NOTCH4: variants seen among roughly 807,000 people sequenced by gnomAD.
NOTCH4 encodes the protein notch receptor 4.
Under a neutral mutation model 189.0 loss-of-function variants are expected in NOTCH4, and 138 were observed. The observed-to-expected ratio is 0.73, with a 90% CI of 0.64 to 0.84. The LOEUF (loss-of-function observed/expected upper bound fraction) is 0.84, where lower values mean the gene tolerates loss of function less well. Ranked by LOEUF, NOTCH4 falls within the 40% of genes least tolerant of loss-of-function variation. The probability of loss-of-function intolerance (pLI) is 0.00; values close to 1 mark genes in which losing one functional copy is unlikely to be tolerated. For synonymous variants in NOTCH4, 942 were observed against 1,032.8 expected (o/e 0.91, Z 1.69); for missense variants, 2,286 against 2,605.4 (o/e 0.88, Z 2.67).
Position 32,220,668 on chromosome 6 carries a change from G to A in NOTCH4, c.923-27C>T. On this transcript the variant is annotated intron_variant, in intron 5 of 29. Transcript: ENST00000375023. The stretch of plus-strand genomic sequence containing the variant: ...TGCAGGGGGTTGGGGAGGGGACGAG[G>A]GCTAAGGCTGGGAGCCCTATGAGTA... 5 of 1,612,642 alleles carry A rather than the reference G, an allele frequency of 3.1e-6. No homozygotes were observed. The South Asian group carries it at 5.5e-5, about 18-fold the overall frequency.
Position 32,223,085 on chromosome 6 carries a change from C to T in NOTCH4, c.75G>A (p.Gly25=), listed in dbSNP as rs1044583290. The change falls in exon 2 of 30, where the codon GGG becomes GGA. Residue 25 remains glycine (G), a splice_region_variant and synonymous_variant. Coordinates refer to ENST00000375023, the MANE Select transcript of NOTCH4 (RefSeq NM_004557.4). ...LLCVSVVRPR[G]LLCGSFPEPC... ...GTTCTGGGAAACTCCCACACAGCAG[C>T]CCTGAGGGTGGAGAGGCAGGCGCAA... is the stretch of plus-strand genomic sequence containing the variant. The T allele has an allele frequency of 1.9e-6, 3 of 1,613,704 alleles. No individual in the cohort carries two copies. Among genetic ancestry groups the T allele is most frequent in the African/African-American group, 1.3e-5 (1 of 75,012 alleles).
rs921938659 is a variant in NOTCH4 at position 32,213,323 on chromosome 6, A to G, written c.2321-71T>C. On this transcript the variant is annotated intron_variant, in intron 14 of 29. Coordinates refer to ENST00000375023, the MANE Select transcript of NOTCH4 (RefSeq NM_004557.4). ...TGGCCTGTGACCTCAGTCACACTGT[A>G]CATAGGACATACACCCCCCACCCCC... 8 of 963,170 alleles carry G rather than the reference A, an allele frequency of 8.3e-6. No individual in the cohort carries two copies. The African/African-American group carries it at 1.3e-4, about 16-fold the overall frequency. The allele number at this position is 963,170 out of a possible 1,614,324, so 59.7% of individuals were successfully genotyped here.
intron 20 of NOTCH4, 159 bp downstream of exon 20, chr6:32,203,610 AC>A: frequency 1.7e-6 from 1 of 593,578 alleles, no homozygotes; most frequent in Non-Finnish European, 2.9e-6. Flanking sequence ...CTTGCCTTTG[AC>A]TGCTTCTGAG....
chr6:32,209,283 T>C (rs1454065432), intron 18 of NOTCH4, among the ~76,000 whole-genome samples: 4 of 152,138 alleles, frequency 2.6e-5, no homozygotes, highest in Non-Finnish European at 1.5e-5. Context: ...TCCTCACTCA[T>C]ATGTGGGAGC....
Position 32,212,455 on chromosome 6 carries a change from C to T in NOTCH4, c.2680+19G>A. On this transcript the variant is annotated intron_variant, in intron 17 of 29. Transcript: ENST00000375023. The surrounding 1 kb of genome is among the most constrained non-coding windows in gnomAD (Gnocchi z 4.4). ...ATATTTTCTTCATTTGCTCTCCAGT[C>T]AGTGCCGGCGTTGGTTACCTTGGCT... 1 of 1,587,596 alleles carries T rather than the reference C, an allele frequency of 6.3e-7. No homozygotes were observed. Among genetic ancestry groups the T allele is most frequent in the Non-Finnish European group, 8.6e-7 (1 of 1,167,128 alleles).
In NOTCH4 at chr6:32,221,421, C is replaced by T; in HGVS notation, c.452-96G>A. The T allele has an allele frequency of 1.2e-6, 1 of 845,788 alleles. No homozygotes were observed. The highest frequency in any genetic ancestry group is 1.8e-6 in the Non-Finnish European group (1 of 541,178). 52.4% of individuals were successfully genotyped at this position (845,788 alleles called of 1,614,324 possible). ...CTCACTCTGGATTATCTCTGGGTCT[C>T]ATTTTCATATTTCCTTCCCTTTATT... On this transcript the variant is annotated intron_variant, in intron 3 of 29. Coordinates refer to ENST00000375023, the MANE Select transcript of NOTCH4 (RefSeq NM_004557.4). The surrounding 1 kb of genome is among the most constrained non-coding windows in gnomAD (Gnocchi z 4.3).
Position 32,221,374 on chromosome 6 carries a change from G to T in NOTCH4, c.452-49C>A. 7.0e-7 allele frequency: 1 copy of T among 1,438,530 alleles called. No individual in the cohort carries two copies. Among genetic ancestry groups the T allele is most frequent in the Non-Finnish European group, 9.6e-7 (1 of 1,039,380 alleles). The allele number at this position is 1,438,530 out of a possible 1,614,324, so 89.1% of individuals were successfully genotyped here. ...CGTTTCTAGCATTGTACGAATTCTA[G>T]CCCATCTGAGGTTACCCAGTGCTCA... On this transcript the variant is annotated intron_variant, in intron 3 of 29. Coordinates refer to ENST00000375023, the MANE Select transcript of NOTCH4 (RefSeq NM_004557.4). This position sits in a 1 kb window ranked among gnomAD's most constrained non-coding sequence, Gnocchi z 4.3.
Position 32,222,820 on chromosome 6 carries a change from G to A in NOTCH4, c.156-14C>T, listed in dbSNP as rs769373975. On this transcript the variant is annotated splice_polypyrimidine_tract_variant and intron_variant, in intron 2 of 29. Coordinates refer to ENST00000375023, the MANE Select transcript of NOTCH4 (RefSeq NM_004557.4). ...CCAGGGGCACACCTGGGCAGGGGAG[G>A]AGAGGAAAACTCACATCACTGGTCC... 1 of 1,607,076 alleles carries A rather than the reference G, an allele frequency of 6.2e-7. No homozygotes were observed. Among genetic ancestry groups the A allele is most frequent in the Non-Finnish European group, 8.5e-7 (1 of 1,177,864 alleles).
At chr6:32,216,869 C>A in intron 11 of NOTCH4, 76 bp downstream of exon 11, 1 of 1,510,234 alleles carries the variant, frequency 6.6e-7, no homozygotes, top group Non-Finnish European at 9.2e-7. Flanking sequence ...CCATCAAACA[C>A]CCACCAATGA....
Position 32,197,597 on chromosome 6 carries a change from G to A in NOTCH4, c.4757-3C>T. 1 of 1,607,726 alleles carries A rather than the reference G, an allele frequency of 6.2e-7. No individual in the cohort carries two copies. Among genetic ancestry groups the A allele is most frequent in the African/African-American group, 1.3e-5 (1 of 74,844 alleles). On this transcript the variant is annotated splice_region_variant and splice_polypyrimidine_tract_variant and intron_variant, in intron 26 of 29. Coordinates refer to ENST00000375023, the MANE Select transcript of NOTCH4 (RefSeq NM_004557.4). Reference sequence around the variant, plus strand: ...TGACATCAGGGGTGTCACCCCATCTGTTGGTAAGACAGAGTAATGGGTCAA... The same window carrying A: ...TGACATCAGGGGTGTCACCCCATCTATTGGTAAGACAGAGTAATGGGTCAA...
In NOTCH4 at chr6:32,198,663, C is replaced by T; in HGVS notation, c.4603G>A (p.Glu1535Lys). 6.2e-7 allele frequency: 1 copy of T among 1,612,634 alleles called. No homozygotes were observed. Among genetic ancestry groups the T allele is most frequent in the Non-Finnish European group, 8.5e-7 (1 of 1,179,790 alleles). The change falls in exon 25 of 30, where the codon GAG becomes AAG. Residue 1535 changes from glutamate to lysine, a missense_variant. By Grantham distance (56) the Glu-to-Lys change is moderately conservative (BLOSUM62 1). Coordinates refer to ENST00000375023, the MANE Select transcript of NOTCH4 (RefSeq NM_004557.4). The surrounding 1 kb of genome is among the most constrained non-coding windows in gnomAD (Gnocchi z 5.5). ...AGCCCTTTCACCTGGCCCACCTCCT[C>T]TCCCTCCTCAGGGCCTGAGCACATC... ...VVMCSGPEEG[E>K]EVGQAEETGP...
At chr6:32,196,288 T>C (rs1168978433) in intron 29 of NOTCH4, 36 bp downstream of exon 29, 1 of 1,612,840 alleles carries the variant, frequency 6.2e-7, no homozygotes, top group Non-Finnish European at 8.5e-7. Context: ...CTCGTGCGCC[T>C]GACTGTTTTG....
rs1788400530 is a variant in NOTCH4, at chr6:32,202,272, A to C, written c.3559T>G (p.Cys1187Gly). 1.9e-6 allele frequency: 3 copies of C among 1,593,342 alleles called. No individual in the cohort carries two copies. The highest frequency in any genetic ancestry group is 2.6e-6 in the Non-Finnish European group (3 of 1,166,044). The change falls in exon 21 of 30, where the codon TGC (cysteine) becomes GGC (glycine). Residue 1187 changes from cysteine to glycine, a missense_variant. By Grantham distance (159) the Cys-to-Gly change is radical (BLOSUM62 -3). Transcript: ENST00000375023. The surrounding 1 kb of genome is among the most constrained non-coding windows in gnomAD (Gnocchi z 5.7). ...GCEGRSGDGA[C>G]DAGCSGPGGN... is the part of the protein sequence containing the mutation. ...CCCGGGCCACTGCAGCCAGCATCGC[A>C]GGCCCCATCTCCACTTCTGCCCTCA...
In NOTCH4 at chr6:32,199,573, G is replaced by A. The variant is rs1447218303; in HGVS notation, c.4316-428C>T. 6.6e-5 allele frequency among the ~76,000 whole-genome samples: 10 copies of A among 152,016 alleles called. No homozygotes were observed. Among genetic ancestry groups the A allele is most frequent in the African/African-American group, 1.9e-4 (8 of 41,382 alleles). ...CAAAAAATTAGCCAGGTGTGGTGGC[G>A]GGCACCTGTAGTCCCAGCTACTTGG... On this transcript the variant is annotated intron_variant, in intron 23 of 29. Coordinates refer to ENST00000375023, the MANE Select transcript of NOTCH4 (RefSeq NM_004557.4). The surrounding 1 kb of genome is among the most constrained non-coding windows in gnomAD (Gnocchi z 4.9).
In NOTCH4 at chr6:32,196,053, G is replaced by C; in HGVS notation, c.5396C>G (p.Ala1799Gly). 1 of 1,594,108 alleles carries C rather than the reference G, an allele frequency of 6.3e-7. No individual in the cohort carries two copies. Among genetic ancestry groups the C allele is most frequent in the Non-Finnish European group, 8.5e-7 (1 of 1,177,014 alleles). ...AGCGACGTCCGCCGGCGCTAGCCCAGCCTGGTCCCGCAGCTCTCGGGCTGC... is the reference window on the plus strand; with the variant it reads ...AGCGACGTCCGCCGGCGCTAGCCCACCCTGGTCCCGCAGCTCTCGGGCTGC... Reference protein sequence around the residue: ...LGAARELRDQAGLAPADVAHQ... With the variant: ...LGAARELRDQGGLAPADVAHQ... The change falls in exon 30 of 30, where the codon GCT (alanine) becomes GGT (glycine). Residue 1799 changes from alanine to glycine, a missense_variant. By Grantham distance (60) the Ala-to-Gly change is moderately conservative. This residue lies in a region of NOTCH4 where 383 missense variants were observed against 343.5 expected (regional missense o/e 1.11). Transcript: ENST00000375023.
In NOTCH4 at chr6:32,202,370, C is replaced by A. The variant is rs577534927; in HGVS notation, c.3461G>T (p.Gly1154Val). ...AGGGCAGGAGCATCGAAAGCCTGGG[C>A]CCCCCAAGCCCGTGGTCTCTGAGCA... The part of the protein sequence containing the change: ...GSCSETTGLG[G>V]PGFRCSCPHS... Residue 1154 changes from glycine to valine, a missense_variant, in exon 21 of 30, where the codon GGC becomes GTC. Gly to Val is a moderately radical substitution (Grantham distance 109). Transcript: ENST00000375023. The surrounding 1 kb of genome is among the most constrained non-coding windows in gnomAD (Gnocchi z 5.7). 1 of 1,612,722 alleles carries A rather than the reference C, an allele frequency of 6.2e-7. No individual in the cohort carries two copies. The highest frequency in any genetic ancestry group is 2.2e-5 in the East Asian group (1 of 44,890).
In NOTCH4 at chr6:32,201,684, C is replaced by A. The variant is rs1418655245; in HGVS notation, c.3756-184G>T. 4.1e-6 allele frequency: 2 copies of A among 488,596 alleles called. No homozygotes were observed. The highest frequency in any genetic ancestry group is 6.9e-6 in the Non-Finnish European group (2 of 291,324). 30.3% of individuals were successfully genotyped at this position (488,596 alleles called of 1,614,324 possible). On this transcript the variant is annotated intron_variant, in intron 21 of 29. Transcript: ENST00000375023. The surrounding 1 kb of genome is among the most constrained non-coding windows in gnomAD (Gnocchi z 5.5). ...CAGACACCCCAATGTCTGCTAACACCCCTGTCTCCCTAGACTGTCCCCTCT... is the reference window on the plus strand; with the variant it reads ...CAGACACCCCAATGTCTGCTAACACACCTGTCTCCCTAGACTGTCCCCTCT...
Position 32,196,028 on chromosome 6 carries a change from A to G in NOTCH4, c.5421T>C (p.Ala1807=). ...DQAGLAPADV[A]HQRNHWDLLT... ...GCAGATCCCAGTGGTTACGTTGGTG[A>G]GCGACGTCCGCCGGCGCTAGCCCAG... The change falls in exon 30 of 30, where the codon GCT becomes GCC. Residue 1807 remains alanine (A), a synonymous_variant. Transcript: ENST00000375023. The G allele has an allele frequency of 6.3e-7, 1 of 1,597,086 alleles. No homozygotes were observed.
In NOTCH4 at chr6:32,212,085, C is replaced by G. The variant is rs1042457144; in HGVS notation, c.2680+389G>C. Among the ~76,000 whole-genome samples, 1 of 152,070 alleles carries G rather than the reference C, an allele frequency of 6.6e-6. No homozygotes were observed. The highest frequency in any genetic ancestry group is 1.5e-5 in the Non-Finnish European group (1 of 68,024). ...TAGTGTTCTTTTACAAAGAGGGTGG[C>G]GTGACATCGAAGTGAGTGGGGTGGG... On this transcript the variant is annotated intron_variant, in intron 17 of 29. Transcript: ENST00000375023. The surrounding 1 kb of genome is among the most constrained non-coding windows in gnomAD (Gnocchi z 4.4).
Sources: gnomAD v4.1 joint callset for allele counts (sites outside exome capture counted in the v4.1 genomes callset) on GRCh38, gnomAD v4.1.1 for gene constraint, gnomAD v4.1.1 regional missense constraint, Gnocchi (gnomAD v3.1) non-coding constraint, MANE v1.5 for transcripts, NCBI Gene and HGNC (gene_info 2026-07-23, HGNC 2026-07-21) for gene names.